The following GALNT11 variants were observed in gnomAD, a reference collection of about 807,000 sequenced individuals.
GALNT11 encodes the protein polypeptide N-acetylgalactosaminyltransferase 11, also known as UDP-GalNAc:polypeptide N-acetylgalactosaminyltransferase 11.
In GALNT11, 47 loss-of-function variants were observed where a neutral mutation model predicts 72.7. The ratio of observed to expected loss-of-function variants is 0.65; its 90% CI spans 0.51 to 0.82. The LOEUF (loss-of-function observed/expected upper bound fraction) is 0.82, where lower values mean the gene tolerates loss of function less well. Ranked by LOEUF, GALNT11 falls within the 40% of genes least tolerant of loss-of-function variation. GALNT11 has a pLI of 0.00. For synonymous variants in GALNT11, 270 were observed against 286.6 expected, an observed-to-expected ratio of 0.94 and a Z score of 0.58; for missense variants, 677 against 778.4, an observed-to-expected ratio of 0.87 and a Z score of 1.55.
intron 1 of GALNT11, among the ~76,000 whole-genome samples, chr7:152,072,533 C>T (rs1021795061): frequency 6.6e-6 from 1 of 152,194 alleles, no homozygotes; most frequent in African/African-American, 2.4e-5. Flanking sequence ...GTTAAACATG[C>T]TCACAGGCAC....
At chr7:152,091,146 A>T (rs1176843105) in intron 1 of GALNT11, among the ~76,000 whole-genome samples, 1 of 151,330 alleles carries the variant, frequency 6.6e-6, no homozygotes, top group Non-Finnish European at 1.5e-5. Flanking sequence ...TCCCGGGTTC[A>T]AGCAATTTCT....
intron 10 of GALNT11, 200 bp from the exon 11 acceptor site, chr7:152,120,631 C>T: frequency 1.9e-6 from 1 of 539,294 alleles, no homozygotes; most frequent in Non-Finnish European, 3.3e-6. Context: ...TAGGTTTCTT[C>T]CCAGAATAGC....
intron 1 of GALNT11, among the ~76,000 whole-genome samples, chr7:152,029,910 G>A (rs1430877318): frequency 1.3e-5 from 2 of 152,256 alleles, no homozygotes; most frequent in Non-Finnish European, 2.9e-5. Context: ...TGGGTTGTCA[G>A]TGGCCTCAGT....
At chr7:152,111,644 A>ATATT (rs201303779) in intron 7 of GALNT11, among the ~76,000 whole-genome samples, 30 of 139,282 alleles carry the variant, frequency 2.2e-4, no homozygotes, top group African/African-American at 7.0e-4. Context: ...ATATATATAT[A>ATATT]TTTTTTTAAA....
chr7:152,113,727 T>C (rs2088520988), intron 8 of GALNT11, among the ~76,000 whole-genome samples: 1 of 19,186 alleles, frequency 5.2e-5, no homozygotes, highest in Admixed American at 8.8e-4. Context: ...TTTTTTTTTT[T>C]TTTTTTTTTT....
At chr7:152,030,833 C>T (rs773802412) in intron 1 of GALNT11, among the ~76,000 whole-genome samples, 5 of 152,166 alleles carry the variant, frequency 3.3e-5, no homozygotes, top group Non-Finnish European at 7.3e-5. Flanking sequence ...TTCTTTCTCT[C>T]TTTCCTTTCT....
intron 1 of GALNT11, among the ~76,000 whole-genome samples, chr7:152,053,335 A>C (rs138707906): frequency 7.5e-4 from 114 of 152,224 alleles, no homozygotes; most frequent in Middle Eastern, 6.8e-3. Context: ...CAATCATTCT[A>C]CTTGCTTTTC....
intron 1 of GALNT11, among the ~76,000 whole-genome samples, chr7:152,045,661 T>G (rs1293756313): frequency 1.3e-5 from 2 of 152,140 alleles, no homozygotes; most frequent in East Asian, 3.8e-4. Flanking sequence ...TTTATTGATT[T>G]GGGGCTTCTC....
At position 152,108,294 on chromosome 7, in the gene GALNT11, T is replaced by A; in HGVS notation, c.962+7T>A. ...GAGCCACTGCACCAATAAAGTAAGA[T>A]CGCTCCTTTGTTTGACAAATTCCTA... is the stretch of plus-strand genomic sequence containing the variant. On this transcript the variant is annotated splice_region_variant and intron_variant, in intron 6 of 11. Coordinates refer to ENST00000430044, the MANE Select transcript of GALNT11 (RefSeq NM_022087.4). 6.3e-7 allele frequency: 1 copy of A among 1,597,516 alleles called. No homozygotes were observed. Among genetic ancestry groups the A allele is most frequent in the Non-Finnish European group, 8.6e-7 (1 of 1,166,562 alleles).
intron 1 of GALNT11, among the ~76,000 whole-genome samples, chr7:152,038,929 A>C (rs557780471): frequency 6.6e-6 from 1 of 152,248 alleles, no homozygotes; most frequent in Non-Finnish European, 1.5e-5. Context: ...GGCCTTCTAG[A>C]TGCTTTTTTA....
intron 3 of GALNT11, among the ~76,000 whole-genome samples, chr7:152,102,850 G>A (rs1017853950): frequency 1.6e-4 from 24 of 151,708 alleles, no homozygotes; most frequent in East Asian, 5.9e-4. Flanking sequence ...ATGTGGTGTC[G>A]CATGCCTGTA....
At chr7:152,087,292 A>G (rs1396926003) in intron 1 of GALNT11, among the ~76,000 whole-genome samples, 1 of 152,200 alleles carries the variant, frequency 6.6e-6, no homozygotes, top group Admixed American at 6.6e-5. Flanking sequence ...GGCCTTATTG[A>G]GAAGAAGATA....
intron 1 of GALNT11, among the ~76,000 whole-genome samples, chr7:152,052,039 C>T (rs1012819219): frequency 5.9e-5 from 9 of 152,124 alleles, no homozygotes; most frequent in African/African-American, 2.2e-4. Flanking sequence ...CAATAATTCC[C>T]CATTTTCCCA....
chr7:152,027,431 C>T (rs1447333328), intron 1 of GALNT11, among the ~76,000 whole-genome samples: 2 of 152,244 alleles, frequency 1.3e-5, no homozygotes, highest in East Asian at 3.9e-4. Context: ...TTGGTTTGAA[C>T]CCCGATGACG....
intron 1 of GALNT11, among the ~76,000 whole-genome samples, chr7:152,036,560 C>A (rs1053972749): frequency 3.3e-5 from 5 of 152,168 alleles, no homozygotes; most frequent in African/African-American, 1.2e-4. Context: ...CATGAGACTG[C>A]AGACCTCTTT....
intron 1 of GALNT11, among the ~76,000 whole-genome samples, chr7:152,089,689 G>A (rs1202945218): frequency 6.6e-6 from 1 of 152,194 alleles, no homozygotes; most frequent in Non-Finnish European, 1.5e-5. Context: ...CAAATATTTT[G>A]GTTAAGGTAC....
chr7:152,056,765 C>T (rs1266834049), intron 1 of GALNT11, among the ~76,000 whole-genome samples: 2 of 152,036 alleles, frequency 1.3e-5, no homozygotes, highest in African/African-American at 2.4e-5. Context: ...CTCTAGAAAC[C>T]AATATGCATA....
chr7:152,121,725 T>C lies in GALNT11; in HGVS notation c.*48T>C. ...TTGCTTCATCAGGCGTTGCCTCCGG[T>C]GTGGAGTTTGGGGCTTTAGGAAAGC... is the stretch of plus-strand genomic sequence containing the variant. On this transcript the variant is annotated 3_prime_UTR_variant, in exon 12 of 12. Coordinates refer to ENST00000430044, the MANE Select transcript of GALNT11 (RefSeq NM_022087.4). 6.3e-7 allele frequency: 1 copy of C among 1,590,792 alleles called. No individual in the cohort carries two copies.
intron 1 of GALNT11, among the ~76,000 whole-genome samples, chr7:152,086,203 T>A (rs889497729): frequency 6.6e-6 from 1 of 152,076 alleles, no homozygotes; most frequent in Non-Finnish European, 1.5e-5. Context: ...TGTATTTTTT[T>A]AAGTTGAGAC....
Sources: gnomAD v4.1 joint callset for allele counts (sites outside exome capture counted in the v4.1 genomes callset) on GRCh38, gnomAD v4.1.1 for gene constraint, MANE v1.5 for transcripts, NCBI Gene and HGNC (gene_info 2026-07-23, HGNC 2026-07-21) for gene names.